The following NUP214 variants were observed in gnomAD, a reference collection of about 807,000 sequenced individuals.
NUP214 encodes the protein nuclear pore complex protein Nup214.
NUP214 carries 79 observed loss-of-function variants against 196.2 expected under a neutral mutation model. That is an observed-to-expected ratio of 0.40 (90% CI 0.34 to 0.49). NUP214 has a LOEUF of 0.49. NUP214 is among the 20% of genes least tolerant of loss of function. The pLI is 0.58. For synonymous variants in NUP214, 1,020 were observed against 990.5 expected (o/e 1.03, Z -0.56); for missense variants, 2,468 against 2,539.0 (o/e 0.97, Z 0.60).
intron 34 of NUP214, among the ~76,000 whole-genome samples, chr9:131,231,817 G>A (rs1467588640): frequency 6.7e-6 from 1 of 149,414 alleles, no homozygotes; most frequent in Non-Finnish European, 1.5e-5. Context: ...CTAAGTGTTA[G>A]CAGTTAGCAG....
intron 1 of NUP214, among the ~76,000 whole-genome samples, chr9:131,126,827 G>A (rs1374893173): frequency 1.3e-5 from 2 of 152,128 alleles, no homozygotes; most frequent in African/African-American, 4.8e-5. Flanking sequence ...TGGGATTATA[G>A]GCGTGAGCTA....
In NUP214 at chr9:131,125,843, C is replaced by T. The variant is rs1256245714; in HGVS notation, c.45+94C>T. ...CGAAGCGCGGTGCTGGCTGTCCCGCCTCCTGCTTGAACAGTTTACCGCGTT... is the reference window on the plus strand; with the variant it reads ...CGAAGCGCGGTGCTGGCTGTCCCGCTTCCTGCTTGAACAGTTTACCGCGTT... On this transcript the variant is annotated intron_variant, in intron 1 of 35. Transcript: ENST00000359428. The surrounding 1 kb of genome is among the most constrained non-coding windows in gnomAD (Gnocchi z 4.1). 11 of 1,427,788 alleles carry T rather than the reference C, an allele frequency of 7.7e-6. No individual in the cohort carries two copies. Among genetic ancestry groups the T allele is most frequent in the Non-Finnish European group, 1.1e-5 (11 of 1,039,824 alleles). 88.4% of individuals were successfully genotyped at this position (1,427,788 alleles called of 1,614,324 possible).
intron 31 of NUP214, among the ~76,000 whole-genome samples, chr9:131,216,888 G>A (rs1175925284): frequency 1.3e-5 from 2 of 152,112 alleles, no homozygotes; most frequent in African/African-American, 2.4e-5. Context: ...TGTTTGTGTA[G>A]ATCTTTATCC....
chr9:131,208,801 A>C (rs1195326800), intron 30 of NUP214, among the ~76,000 whole-genome samples: 2 of 149,316 alleles, frequency 1.3e-5, no homozygotes, highest in East Asian at 4.1e-4. Context: ...GCATATCATG[A>C]GTCAAGAGAT....
chr9:131,132,043 A>G (rs1355281792), intron 5 of NUP214, among the ~76,000 whole-genome samples: 2 of 151,396 alleles, frequency 1.3e-5, no homozygotes, highest in African/African-American at 4.9e-5. Flanking sequence ...GCTGCTGCAA[A>G]TGGTGTTGCA....
At chr9:131,187,157 T>C in intron 24 of NUP214, 132 bp from the exon 25 acceptor site, 1 of 689,884 alleles carries the variant, frequency 1.4e-6, no homozygotes, top group Non-Finnish European at 2.5e-6. Flanking sequence ...AAATCAGTTG[T>C]ATTGGGGTCC....
chr9:131,170,736 A>G (rs1056858321), intron 21 of NUP214, among the ~76,000 whole-genome samples: 2 of 152,094 alleles, frequency 1.3e-5, no homozygotes, highest in South Asian at 2.1e-4. Context: ...TATGGAAACA[A>G]TGAAATCCTC....
rs1383185339 is a variant in NUP214, at chr9:131,232,623, A to G, written c.6239+315A>G. 2 of 479,356 alleles carry G rather than the reference A, an allele frequency of 4.2e-6. No individual in the cohort carries two copies. Among genetic ancestry groups the G allele is most frequent in the South Asian group, 2.1e-5 (1 of 46,644 alleles). 29.7% of individuals were successfully genotyped at this position (479,356 alleles called of 1,614,324 possible). A position where few individuals can be genotyped will look rare whatever the true frequency, so the allele number is the denominator to read the frequency against. On this transcript the variant is annotated intron_variant, in intron 35 of 35. Coordinates refer to ENST00000359428, the MANE Select transcript of NUP214 (RefSeq NM_005085.4). This position sits in a 1 kb window ranked among gnomAD's most constrained non-coding sequence, Gnocchi z 5.1. ...CTCCTGACTTCCCTGGAGGTTTCTC[A>G]GAAGCTGCATGCTAACCCCTGGGCT...
rs1427568290 is a variant in NUP214, at chr9:131,146,092, CA to C, written c.1770-36del. ...ATGCTAGTGTAAAAGAATCTTCTAGCAGGCTCTTCTGAGGCCTTCAGGCTGC... is the reference window on the plus strand; with the variant it reads ...ATGCTAGTGTAAAAGAATCTTCTAGCGGCTCTTCTGAGGCCTTCAGGCTGC... On this transcript the variant is annotated intron_variant, in intron 12 of 35. Coordinates refer to ENST00000359428, the MANE Select transcript of NUP214 (RefSeq NM_005085.4). The surrounding 1 kb of genome is among the most constrained non-coding windows in gnomAD (Gnocchi z 4.6). The C allele has an allele frequency of 6.3e-7, 1 of 1,595,534 alleles. No individual in the cohort carries two copies. Among genetic ancestry groups the C allele is most frequent in the South Asian group, 1.1e-5 (1 of 90,446 alleles).
intron 18 of NUP214, among the ~76,000 whole-genome samples, chr9:131,160,165 A>T (rs1005682176): frequency 6.6e-6 from 1 of 152,122 alleles, no homozygotes; most frequent in Non-Finnish European, 1.5e-5. Context: ...TGTTCTACAA[A>T]ATGTATGAAT....
At chr9:131,175,752 C>A in intron 23 of NUP214, 131 bp downstream of exon 23, 1 of 1,300,100 alleles carries the variant, frequency 7.7e-7, no homozygotes, top group Admixed American at 3.2e-5. Flanking sequence ...GATGTGACAG[C>A]CCTCTCCCCT....
At chr9:131,150,124 C>G (rs1255068545) in intron 14 of NUP214, 200 bp from the exon 15 acceptor site, 5 of 508,240 alleles carry the variant, frequency 9.8e-6, no homozygotes, top group African/African-American at 1.9e-5. Flanking sequence ...GAGTTGGGCC[C>G]TCATCTACTT....
intron 34 of NUP214, among the ~76,000 whole-genome samples, chr9:131,231,687 C>T (rs1282443119): frequency 1.3e-5 from 2 of 150,882 alleles, no homozygotes; most frequent in Non-Finnish European, 2.9e-5. Flanking sequence ...TTGTTTAACA[C>T]TCTGCTTCTT....
At chr9:131,169,602 A>G (rs1052935960) in intron 21 of NUP214, among the ~76,000 whole-genome samples, 4 of 152,236 alleles carry the variant, frequency 2.6e-5, no homozygotes, top group Non-Finnish European at 5.9e-5. Context: ...TGTAATGGCA[A>G]ACACGTATAA....
chr9:131,207,367 G>T (rs1253317823), intron 30 of NUP214, among the ~76,000 whole-genome samples: 1 of 152,218 alleles, frequency 6.6e-6, no homozygotes, highest in African/African-American at 2.4e-5. Context: ...CTGGAGGCAG[G>T]AGTCATCTGA....
chr9:131,205,084 T>G (rs923414245), intron 30 of NUP214, among the ~76,000 whole-genome samples: 2 of 152,180 alleles, frequency 1.3e-5, no homozygotes, highest in African/African-American at 4.8e-5. Flanking sequence ...CTAGCAGACC[T>G]GACTCCAGTC....
intron 24 of NUP214, among the ~76,000 whole-genome samples, chr9:131,184,473 A>G (rs1309578885): frequency 6.6e-6 from 1 of 151,332 alleles, no homozygotes; most frequent in Non-Finnish European, 1.5e-5. Context: ...AGCTGGGACT[A>G]CAGGCACCTG....
At chr9:131,134,328 G>A (rs543191684) in intron 7 of NUP214, among the ~76,000 whole-genome samples, 1 of 152,310 alleles carries the variant, frequency 6.6e-6, no homozygotes, top group East Asian at 1.9e-4. Context: ...AGCCGTGTTA[G>A]GGATAGATGA....
intron 23 of NUP214, among the ~76,000 whole-genome samples, chr9:131,177,527 T>C (rs1833151825): frequency 6.6e-6 from 1 of 152,190 alleles, no homozygotes; most frequent in African/African-American, 2.4e-5. Flanking sequence ...AGATGTGCAG[T>C]CGTGGGCAAG....
Sources: allele counts gnomAD v4.1 joint callset (sites outside exome capture counted in the v4.1 genomes callset), GRCh38; gene constraint gnomAD v4.1.1; non-coding constraint Gnocchi (gnomAD v3.1); transcripts MANE v1.5; gene names NCBI Gene and HGNC (gene_info 2026-07-23, HGNC 2026-07-21).